VAX2: variants seen among roughly 807,000 people sequenced by gnomAD.
VAX2 encodes the protein ventral anterior homeobox 2.
Under a neutral mutation model 12.5 loss-of-function variants are expected in VAX2, and 8 were observed. The observed-to-expected ratio is 0.64, with a 90% confidence interval of 0.37 to 1.15. The LOEUF is 1.15. Among genes scored for constraint, VAX2 ranks in the 50% most tolerant of loss-of-function variants. VAX2 has a pLI of 0.01. For missense variants in VAX2, 476 were observed against 412.9 expected (o/e 1.15, Z -1.32); for synonymous variants, 183 against 187.6 (o/e 0.98, Z 0.20).
chr2:70,902,492 C>A (rs562300594), intron 1 of VAX2, among the ~76,000 whole-genome samples: 5 of 152,278 alleles, frequency 3.3e-5, no homozygotes, highest in African/African-American at 1.2e-4. Flanking sequence ...TGTAGGACTG[C>A]CAGAGAAATC....
intron 1 of VAX2, among the ~76,000 whole-genome samples, chr2:70,920,423 G>A (rs2104775863): frequency 6.6e-6 from 1 of 152,292 alleles, no homozygotes; most frequent in East Asian, 1.9e-4. Flanking sequence ...GAGCCCAGGA[G>A]TGGCCCTGCT....
chr2:70,933,145 T>C lies in VAX2; in HGVS notation c.814T>C (p.Tyr272His), dbSNP rs1553414659. ...YELGSSAFEP[Y>H]SWLERKVGSA... is the part of the protein sequence containing the mutation. ...ACTGGGTTCCTCGGCCTTCGAGCCA[T>C]ACAGCTGGCTAGAACGGAAAGTGGG... The change falls in exon 3 of 3, where the codon TAC (tyrosine) becomes CAC (histidine). Residue 272 changes from tyrosine to histidine, a missense_variant. By Grantham distance (83) the Tyr-to-His change is moderately conservative (BLOSUM62 2). Coordinates refer to ENST00000234392, the MANE Select transcript of VAX2 (RefSeq NM_012476.3). The C allele has an allele frequency of 1.0e-5, 16 of 1,576,104 alleles. No homozygotes were observed. The highest frequency in any genetic ancestry group is 5.9e-5 in the South Asian group (5 of 84,104).
chr2:70,923,737 G>A (rs1186422073), intron 2 of VAX2, among the ~76,000 whole-genome samples: 36 of 152,198 alleles, frequency 2.4e-4, no homozygotes, highest in African/African-American at 8.7e-4. Context: ...GGCAAGGTAA[G>A]GGGGAGGTGC....
rs566918478 is a variant in VAX2, at chr2:70,920,660, C to T, written c.248-438C>T. Among the ~76,000 whole-genome samples the T allele has an allele frequency of 7.2e-5, 11 of 152,118 alleles. No homozygotes were observed. In the East Asian group the frequency reaches 2.1e-3, roughly 29 times the overall value. ...GCATGCACAGACACACACACACACA[C>T]ACACACACGCACAGCTTAGGACCTG... is the stretch of plus-strand genomic sequence containing the variant. On this transcript the variant is annotated intron_variant, in intron 1 of 2. Coordinates refer to ENST00000234392, the MANE Select transcript of VAX2 (RefSeq NM_012476.3).
chr2:70,929,056 C>A (rs1679633448), intron 2 of VAX2, among the ~76,000 whole-genome samples: 2 of 152,142 alleles, frequency 1.3e-5, no homozygotes, highest in Non-Finnish European at 2.9e-5. Flanking sequence ...CAGTGTGCAG[C>A]GCTATGGTCC....
chr2:70,904,929 C>T lies in VAX2; in HGVS notation c.247+4061C>T, dbSNP rs559610342. 5.2e-4 allele frequency among the ~76,000 whole-genome samples: 79 copies of T among 152,316 alleles called. No individual in the cohort carries two copies. Among genetic ancestry groups the T allele is most frequent in the Middle Eastern group, 3.4e-3 (1 of 294 alleles). ...CACACAGCACAATGGCGTGCAGCCG[C>T]CGGGGCCCTAACTCCCAGAGACGCG... On this transcript the variant is annotated intron_variant, in intron 1 of 2. Transcript: ENST00000234392. The surrounding 1 kb of genome is among the most constrained non-coding windows in gnomAD (Gnocchi z 4.2).
rs1427882200 is a variant in VAX2 at position 70,904,164 on chromosome 2, G to T, written c.247+3296G>T. Among the ~76,000 whole-genome samples, 1 of 152,206 alleles carries T rather than the reference G, an allele frequency of 6.6e-6. No individual in the cohort carries two copies. The highest frequency in any genetic ancestry group is 2.4e-5 in the African/African-American group (1 of 41,460). On this transcript the variant is annotated intron_variant, in intron 1 of 2. Transcript: ENST00000234392. This position sits in a 1 kb window ranked among gnomAD's most constrained non-coding sequence, Gnocchi z 4.2. ...CCTGAGAAGGCCGCTCCACACCTCC[G>T]CGTGCACAGTCCCTAGACCAGTGAG...
rs955504457 is a variant in VAX2, at chr2:70,925,294, C to T, written c.435+4009C>T. ...GGTGTGGACAGGTAGGAACTACTGA[C>T]ATGGGTCCTGAACAGAGCAGTGGTG... On this transcript the variant is annotated intron_variant, in intron 2 of 2. Coordinates refer to ENST00000234392, the MANE Select transcript of VAX2 (RefSeq NM_012476.3). Among the ~76,000 whole-genome samples the T allele has an allele frequency of 2.6e-5, 4 of 152,284 alleles. No homozygotes were observed. The East Asian group carries it at 7.7e-4, about 29-fold the overall frequency.
chr2:70,930,439 C>T (rs1272424142), intron 2 of VAX2, among the ~76,000 whole-genome samples: 1 of 152,162 alleles, frequency 6.6e-6, no homozygotes, highest in Non-Finnish European at 1.5e-5. Context: ...TTACCTCCTC[C>T]CAGTGCAGCC....
At chr2:70,924,817 C>G (rs887083774) in intron 2 of VAX2, among the ~76,000 whole-genome samples, 2 of 152,204 alleles carry the variant, frequency 1.3e-5, no homozygotes, top group Non-Finnish European at 2.9e-5. Context: ...CATCTGCCCT[C>G]GTGCAGCTAA....
At position 70,900,677 on chromosome 2, in the gene VAX2, G is replaced by A. The variant is rs1252073527; in HGVS notation, c.56G>A (p.Gly19Asp). ...GGCCCCGCGCGCCGGGCGGAGTCTG[G>A]TGGCGGCGGTGGGCGCTGCGGAGAC... is the stretch of plus-strand genomic sequence containing the variant. Reference protein sequence around the residue: ...DRGPARRAESGGGGGRCGDRS... With the variant: ...DRGPARRAESDGGGGRCGDRS... The change falls in exon 1 of 3, where the codon GGT becomes GAT. Residue 19 changes from glycine to aspartate, a missense_variant. Gly to Asp is a moderately conservative substitution (Grantham distance 94, BLOSUM62 -1). Coordinates refer to ENST00000234392, the MANE Select transcript of VAX2 (RefSeq NM_012476.3). 1.5e-6 allele frequency: 2 copies of A among 1,292,916 alleles called. No individual in the cohort carries two copies. Among genetic ancestry groups the A allele is most frequent in the Non-Finnish European group, 2.0e-6 (2 of 1,019,606 alleles). The allele number at this position is 1,292,916 out of a possible 1,614,324, so 80.1% of individuals were successfully genotyped here.
intron 1 of VAX2, among the ~76,000 whole-genome samples, chr2:70,911,338 C>T (rs1385201406): frequency 6.6e-6 from 1 of 152,072 alleles, no homozygotes; most frequent in African/African-American, 2.4e-5. Context: ...GTGATTTTAT[C>T]GACAATTTTC....
chr2:70,922,207 G>T (rs1679473484), intron 2 of VAX2, among the ~76,000 whole-genome samples: 1 of 152,192 alleles, frequency 6.6e-6, no homozygotes, highest in Non-Finnish European at 1.5e-5. Flanking sequence ...AGCTCTAGTA[G>T]TTTGCTCTCA....
chr2:70,918,254 G>A (rs1679350909), intron 1 of VAX2, among the ~76,000 whole-genome samples: 2 of 152,180 alleles, frequency 1.3e-5, no homozygotes, highest in Non-Finnish European at 2.9e-5. Context: ...CTATGAACAG[G>A]ACGGTGCTTG....
intron 1 of VAX2, among the ~76,000 whole-genome samples, chr2:70,918,863 C>CAA (rs531465293): frequency 5.3e-4 from 53 of 99,430 alleles, no homozygotes; most frequent in Admixed American, 3.9e-3. Flanking sequence ...CCAGCCGTCT[C>CAA]AAAAAAAAAA....
intron 1 of VAX2, among the ~76,000 whole-genome samples, chr2:70,902,068 G>T (rs892767947): frequency 7.2e-5 from 11 of 152,238 alleles, no homozygotes; most frequent in African/African-American, 2.4e-4. Flanking sequence ...CTGGCCCTGG[G>T]TCGTTCCAGC....
chr2:70,920,694 C>G (rs1468742721), intron 1 of VAX2, among the ~76,000 whole-genome samples: 13 of 152,120 alleles, frequency 8.5e-5, no homozygotes, highest in Admixed American at 8.5e-4. Context: ...TGGCTCTGAC[C>G]TCTCCAGTAA....
At chr2:70,922,454 T>C (rs1397093681) in intron 2 of VAX2, among the ~76,000 whole-genome samples, 1 of 152,112 alleles carries the variant, frequency 6.6e-6, no homozygotes, top group East Asian at 1.9e-4. Context: ...CCTGTTTCCC[T>C]CAGCATAATT....
chr2:70,929,609 C>T (rs976422594), intron 2 of VAX2, among the ~76,000 whole-genome samples: 2 of 150,812 alleles, frequency 1.3e-5, no homozygotes, highest in Non-Finnish European at 2.9e-5. Context: ...CTCACTTGAA[C>T]CCCGGAGGTG....
Sources: allele counts gnomAD v4.1 joint callset (sites outside exome capture counted in the v4.1 genomes callset), GRCh38; gene constraint gnomAD v4.1.1; non-coding constraint Gnocchi (gnomAD v3.1); transcripts MANE v1.5; gene names NCBI Gene and HGNC (gene_info 2026-07-23, HGNC 2026-07-21).